The following RARA variants were observed in gnomAD, a reference collection of about 807,000 sequenced individuals.
The protein encoded by RARA is PML-DDX5-RARA fusion.
RARA carries 5 observed loss-of-function variants against 42.8 expected under a neutral mutation model. The observed-to-expected ratio is 0.12, with a 90% confidence interval of 0.06 to 0.25. The LOEUF is 0.25. Among genes scored for constraint, RARA ranks in the 10% least tolerant of loss-of-function variants. The pLI, the probability that RARA is intolerant of heterozygous loss-of-function variation, is 1.00. For missense variants in RARA, 402 were observed against 628.7 expected (o/e 0.64, Z 3.86); for synonymous variants, 256 against 259.5 (o/e 0.99, Z 0.13).
chr17:40,327,217 G>A lies in RARA; in HGVS notation c.-362-3640G>A, dbSNP rs1013930861. Among the ~76,000 whole-genome samples the A allele has an allele frequency of 3.3e-5, 5 of 152,186 alleles. No homozygotes were observed. The South Asian group carries it at 1.0e-3, about 32-fold the overall frequency. On this transcript the variant is annotated intron_variant, in intron 1 of 8. Coordinates refer to ENST00000254066, the MANE Select transcript of RARA (RefSeq NM_000964.4). ...GTGGTTTTCTCTTCTCTGGGAGCAA[G>A]GGTGGGTTCCAGAGGGTCCAGGCTG...
rs200921661 is a variant in RARA at position 40,352,551 on chromosome 17, T to A, written c.807+44T>A. 1 of 1,480,178 alleles carries A rather than the reference T, an allele frequency of 6.8e-7. No homozygotes were observed. The highest frequency in any genetic ancestry group is 9.1e-7 in the Non-Finnish European group (1 of 1,098,358). 91.7% of individuals were successfully genotyped at this position (1,480,178 alleles called of 1,614,324 possible). A position where few individuals can be genotyped will look rare whatever the true frequency, so the allele number is the denominator to read the frequency against. On this transcript the variant is annotated intron_variant, in intron 6 of 8. Transcript: ENST00000254066. The surrounding 1 kb of genome is among the most constrained non-coding windows in gnomAD (Gnocchi z 4.9). Reference sequence around the variant, plus strand: ...GCCCCCAGGCACTGCCCCTGTGTCCTGGGTAGATGTCCTTCCAGCCAGACA... The same window carrying A: ...GCCCCCAGGCACTGCCCCTGTGTCCAGGGTAGATGTCCTTCCAGCCAGACA...
Position 40,355,006 on chromosome 17 carries a change from G to C in RARA, c.1013-257G>C, listed in dbSNP as rs1357240460. 6.6e-6 allele frequency among the ~76,000 whole-genome samples: 1 copy of C among 152,206 alleles called. No individual in the cohort carries two copies. Among genetic ancestry groups the C allele is most frequent in the Non-Finnish European group, 1.5e-5 (1 of 68,032 alleles). On this transcript the variant is annotated intron_variant, in intron 7 of 8. Coordinates refer to ENST00000254066, the MANE Select transcript of RARA (RefSeq NM_000964.4). This position sits in a 1 kb window ranked among gnomAD's most constrained non-coding sequence, Gnocchi z 4.1. ...GGGAACCCTCTCCCTGCTTGAGGATGGCACTGCCCATTTGGGGTCCCATCC... is the reference window on the plus strand; with the variant it reads ...GGGAACCCTCTCCCTGCTTGAGGATCGCACTGCCCATTTGGGGTCCCATCC...
chr17:40,341,434 C>T, intron 2 of RARA: 1 of 1,525,730 alleles, frequency 6.6e-7, no homozygotes, highest in Non-Finnish European at 8.8e-7. Context: ...CATTCCGACA[C>T]AGCGTCCGAG....
chr17:40,342,508 A>G, intron 2 of RARA: 1 of 1,310,828 alleles, frequency 7.6e-7, no homozygotes, highest in South Asian at 1.9e-5. Context: ...CCTGCTTTTC[A>G]CCGGGACTGG....
intron 6 of RARA, among the ~76,000 whole-genome samples, chr17:40,353,736 C>T (rs2034526015): frequency 6.6e-6 from 1 of 152,224 alleles, no homozygotes; most frequent in South Asian, 2.1e-4. Flanking sequence ...TCTCCATGGG[C>T]ACCTCTGAAT....
intron 1 of RARA, among the ~76,000 whole-genome samples, chr17:40,322,125 G>A (rs575309662): frequency 6.6e-6 from 1 of 152,010 alleles, no homozygotes; most frequent in Non-Finnish European, 1.5e-5. Context: ...TGGCCGCCCG[G>A]TTTGGGCTAA....
intron 3 of RARA, chr17:40,349,405 T>G (rs1179923496): frequency 9.5e-6 from 2 of 211,624 alleles, no homozygotes; most frequent in African/African-American, 4.7e-5. Context: ...CGGGCTTGTC[T>G]TCTTTTCCTG....
chr17:40,315,943 G>T (rs1434512547), intron 1 of RARA, among the ~76,000 whole-genome samples: 3 of 152,192 alleles, frequency 2.0e-5, no homozygotes, highest in Non-Finnish European at 4.4e-5. Context: ...GTTTCCTGCT[G>T]CTCCCTGGGT....
intron 3 of RARA, 150 bp from the exon 4 acceptor site, chr17:40,349,634 C>A: frequency 1.1e-6 from 1 of 916,412 alleles, no homozygotes; most frequent in Non-Finnish European, 1.6e-6. Context: ...GAATCATTCT[C>A]CCCAGCTTTT....
At chr17:40,325,034 C>T (rs2033497605) in intron 1 of RARA, among the ~76,000 whole-genome samples, 1 of 152,040 alleles carries the variant, frequency 6.6e-6, no homozygotes, top group African/African-American at 2.4e-5. Context: ...GGGCAGATCA[C>T]CGTGTCAGGA....
chr17:40,311,362 G>A (rs1194962193), intron 1 of RARA, among the ~76,000 whole-genome samples: 2 of 151,990 alleles, frequency 1.3e-5, no homozygotes, highest in Non-Finnish European at 2.9e-5. Context: ...GAATGAACAG[G>A]CTGGGGTCTG....
chr17:40,339,562 T>C (rs1198269318), intron 2 of RARA, among the ~76,000 whole-genome samples: 1 of 151,964 alleles, frequency 6.6e-6, no homozygotes, highest in East Asian at 1.9e-4. Flanking sequence ...TGCCCTAGCT[T>C]CTCCTCTCCA....
chr17:40,337,956 C>T (rs1009929661), intron 2 of RARA, among the ~76,000 whole-genome samples: 1 of 152,240 alleles, frequency 6.6e-6, no homozygotes, highest in African/African-American at 2.4e-5. Flanking sequence ...TGCTGCCTAG[C>T]AATGCCTTTC....
intron 1 of RARA, among the ~76,000 whole-genome samples, chr17:40,323,804 G>C (rs1426688412): frequency 7.8e-6 from 1 of 128,320 alleles, no homozygotes; most frequent in Non-Finnish European, 1.6e-5. Context: ...TCTGGGGTCA[G>C]AGCCAAAAGG....
intron 1 of RARA, among the ~76,000 whole-genome samples, chr17:40,319,287 AG>A: frequency 6.6e-6 from 1 of 152,110 alleles, no homozygotes; most frequent in East Asian, 1.9e-4. Flanking sequence ...CCAGTGTGCT[AG>A]GGTGGGGATG....
At chr17:40,324,764 C>A (rs1379464191) in intron 1 of RARA, among the ~76,000 whole-genome samples, 1 of 152,186 alleles carries the variant, frequency 6.6e-6, no homozygotes, top group Non-Finnish European at 1.5e-5. Context: ...AGACACTAGG[C>A]TTCCTCCTTC....
At chr17:40,343,273 C>G (rs1391615154) in intron 2 of RARA, 1 of 161,074 alleles carries the variant, frequency 6.2e-6, no homozygotes, top group Non-Finnish European at 1.4e-5. Flanking sequence ...GGGAAGGCCC[C>G]CCCGCCAGAT....
At chr17:40,313,987 C>T (rs1337947737) in intron 1 of RARA, among the ~76,000 whole-genome samples, 1 of 152,096 alleles carries the variant, frequency 6.6e-6, no homozygotes, top group African/African-American at 2.4e-5. Flanking sequence ...GTGGTTGTAG[C>T]CAGAGCACTG....
In RARA at chr17:40,355,171, C is replaced by T. The variant is rs933279107; in HGVS notation, c.1013-92C>T. On this transcript the variant is annotated intron_variant, in intron 7 of 8. Coordinates refer to ENST00000254066, the MANE Select transcript of RARA (RefSeq NM_000964.4). The surrounding 1 kb of genome is among the most constrained non-coding windows in gnomAD (Gnocchi z 4.1). ...GGGGAGGCGCCTGCGAGCTGCCCTC[C>T]TCCATGGCCTGGGCAGGCACGCCCC... 22 of 1,450,336 alleles carry T rather than the reference C, an allele frequency of 1.5e-5. No homozygotes were observed. The South Asian group carries it at 1.6e-4, about 11-fold the overall frequency. 89.8% of individuals were successfully genotyped at this position (1,450,336 alleles called of 1,614,324 possible).
Sources: allele counts gnomAD v4.1 joint callset (sites outside exome capture counted in the v4.1 genomes callset), GRCh38; gene constraint gnomAD v4.1.1; non-coding constraint Gnocchi (gnomAD v3.1); transcripts MANE v1.5; gene names NCBI Gene and HGNC (gene_info 2026-07-23, HGNC 2026-07-21).